The following CCDC15 variants were observed in gnomAD, a reference collection of about 807,000 sequenced individuals.
CCDC15 encodes the protein coiled-coil domain-containing protein 15.
In CCDC15, 105 loss-of-function variants were observed where a neutral mutation model predicts 114.5. The observed-to-expected ratio is 0.92, with a 90% CI of 0.78 to 1.08. CCDC15 has a LOEUF of 1.08. CCDC15 is among the 50% of genes least tolerant of loss of function. The pLI is 0.00. For synonymous variants in CCDC15, 334 were observed against 377.8 expected (o/e 0.88, Z 1.34); for missense variants, 1,105 against 1,093.6 (o/e 1.01, Z -0.15).
chr11:124,968,613 G>A (rs902479946), intron 4 of CCDC15, among the ~76,000 whole-genome samples: 1 of 152,118 alleles, frequency 6.6e-6, no homozygotes, highest in African/African-American at 2.4e-5. Flanking sequence ...TGCACTTCCT[G>A]GGTGAGGCGA....
intron 11 of CCDC15, among the ~76,000 whole-genome samples, chr11:124,995,222 G>A (rs1285817490): frequency 6.6e-6 from 1 of 151,928 alleles, no homozygotes; most frequent in African/African-American, 2.4e-5. Flanking sequence ...TTATCCTTCG[G>A]GTTTCAGCTT....
chr11:124,998,784 C>T (rs1216020184), intron 11 of CCDC15, among the ~76,000 whole-genome samples: 1 of 147,222 alleles, frequency 6.8e-6, no homozygotes, highest in Non-Finnish European at 1.5e-5. Flanking sequence ...GTCGCCTAGG[C>T]AGGAGTGCAG....
At chr11:124,978,261 G>C (rs1452827981) in intron 6 of CCDC15, among the ~76,000 whole-genome samples, 1 of 152,080 alleles carries the variant, frequency 6.6e-6, no homozygotes, top group African/African-American at 2.4e-5. Flanking sequence ...CCAGTCTGCT[G>C]TTGATGGGCA....
At chr11:125,015,745 A>C (rs999615500) in intron 13 of CCDC15, among the ~76,000 whole-genome samples, 1 of 152,228 alleles carries the variant, frequency 6.6e-6, no homozygotes, top group Non-Finnish European at 1.5e-5. Context: ...GCATAACTTT[A>C]ATACCAGCCT....
At chr11:124,991,370 AC>A (rs1948265203) in intron 8 of CCDC15, 90 bp from the exon 9 acceptor site, 1 of 813,644 alleles carries the variant, frequency 1.2e-6, no homozygotes, top group Non-Finnish European at 1.8e-6. Flanking sequence ...GAAAAAAACT[AC>A]CCTTTGGCCT....
rs562327451 is a variant in CCDC15 at position 125,041,418 on chromosome 11, T to C, written c.*707T>C. ...AAAGTGAGTAAATTCCTTATTTCCC[T>C]ATTTTTTAAAAACCTGGTATATGAC... On this transcript the variant is annotated 3_prime_UTR_variant, in exon 16 of 16. Transcript: ENST00000344762. 2 of 152,266 alleles carry C rather than the reference T, an allele frequency of 1.3e-5. No individual in the cohort carries two copies. The highest frequency in any genetic ancestry group is 3.9e-4 in the East Asian group (2 of 5,192). The allele number at this position is 152,266 out of a possible 1,614,324, so 9.4% of individuals were successfully genotyped here.
intron 13 of CCDC15, among the ~76,000 whole-genome samples, chr11:125,023,810 A>G (rs956449033): frequency 1.3e-5 from 2 of 152,062 alleles, no homozygotes; most frequent in Admixed American, 6.6e-5. Context: ...AATAAAAATG[A>G]AAGAAGTATG....
intron 6 of CCDC15, 26 bp from the exon 7 acceptor site, chr11:124,986,714 TGC>T (rs60614383): frequency 3.1e-6 from 4 of 1,307,376 alleles, no homozygotes; most frequent in Non-Finnish European, 4.1e-6. Context: ...CGCGCGCGCG[TGC>T]GCGTTTTCAT....
intron 2 of CCDC15, among the ~76,000 whole-genome samples, chr11:124,958,310 A>G (rs1432381937): frequency 6.6e-6 from 1 of 152,126 alleles, no homozygotes. Context: ...ATGGCTTTGA[A>G]TGCGACCCAA....
intron 14 of CCDC15, 70 bp from the exon 15 acceptor site, chr11:125,038,851 G>A (rs751831946): frequency 2.0e-6 from 3 of 1,508,842 alleles, no homozygotes; most frequent in South Asian, 1.2e-5. Flanking sequence ...AAATCTGGCT[G>A]TAAAATCAGG....
Position 124,988,957 on chromosome 11 carries a change from A to G in CCDC15, c.1908+823A>G, listed in dbSNP as rs565120279. Among the ~76,000 whole-genome samples, 226 of 152,310 alleles carry G rather than the reference A, an allele frequency of 1.5e-3. 2 individuals are homozygous for G. Among genetic ancestry groups the G allele is most frequent in the African/African-American group, 8.2e-4 (34 of 41,568 alleles). On this transcript the variant is annotated intron_variant, in intron 8 of 15. Coordinates refer to ENST00000344762, the MANE Select transcript of CCDC15 (RefSeq NM_025004.3). ...TCAAAGTCCATGAGGGTTCGAATCA[A>G]CTTCTTCCAAACTCCTGTTAAGGTT... is the stretch of plus-strand genomic sequence containing the variant.
intron 2 of CCDC15, among the ~76,000 whole-genome samples, chr11:124,956,520 A>G (rs984120400): frequency 6.6e-6 from 1 of 152,126 alleles, no homozygotes; most frequent in African/African-American, 2.4e-5. Context: ...TGGTATAAAG[A>G]TATTTTGGTA....
At chr11:125,009,159 G>A (rs1333808404) in intron 13 of CCDC15, among the ~76,000 whole-genome samples, 2 of 151,274 alleles carry the variant, frequency 1.3e-5, no homozygotes, top group East Asian at 2.0e-4. Flanking sequence ...CACGGGGGGC[G>A]GAGGTTGCAG....
At chr11:124,989,697 C>T (rs974972848) in intron 8 of CCDC15, among the ~76,000 whole-genome samples, 1 of 152,342 alleles carries the variant, frequency 6.6e-6, no homozygotes, top group East Asian at 1.9e-4. Context: ...CTTACCGCTT[C>T]ACCTTGCCCT....
chr11:124,982,917 C>G (rs1239075897), intron 6 of CCDC15, among the ~76,000 whole-genome samples: 1 of 152,192 alleles, frequency 6.6e-6, no homozygotes, highest in African/African-American at 2.4e-5. Context: ...TTCTTTCCCT[C>G]TCAGGGATGC....
intron 15 of CCDC15, 109 bp from the exon 16 acceptor site, chr11:125,040,481 A>G (rs948993616): frequency 3.2e-6 from 3 of 939,042 alleles, no homozygotes; most frequent in African/African-American, 3.3e-5. Flanking sequence ...TATTCAATAG[A>G]TAGTTACTTG....
At chr11:124,993,090 G>C in intron 10 of CCDC15, 79 bp from the exon 11 acceptor site, 1 of 828,734 alleles carries the variant, frequency 1.2e-6, no homozygotes, top group Non-Finnish European at 2.0e-6. Flanking sequence ...CTCTGGGATT[G>C]TCACTGAAGT....
chr11:124,976,624 A>AG (rs1947977790), intron 5 of CCDC15, among the ~76,000 whole-genome samples: 1 of 152,100 alleles, frequency 6.6e-6, no homozygotes, highest in African/African-American at 2.4e-5. Context: ...CTACTAAATC[A>AG]GAAAAAAAAA....
intron 11 of CCDC15, among the ~76,000 whole-genome samples, chr11:124,999,386 A>G (rs570389763): frequency 1.5e-4 from 22 of 151,326 alleles, no homozygotes; most frequent in African/African-American, 5.3e-4. Flanking sequence ...TCCTTCTGCA[A>G]CTCCAGTTAC....
Sources: gnomAD v4.1 joint callset for allele counts (sites outside exome capture counted in the v4.1 genomes callset) on GRCh38, gnomAD v4.1.1 for gene constraint, MANE v1.5 for transcripts, NCBI Gene and HGNC (gene_info 2026-07-23, HGNC 2026-07-21) for gene names.